NUDT1: variants seen among roughly 807,000 people sequenced by gnomAD.
NUDT1 encodes oxidized purine nucleoside triphosphate hydrolase.
A neutral mutation model predicts 11.3 loss-of-function variants in NUDT1; 16 were observed. The observed-to-expected ratio is 1.41, with a 90% CI of 0.96 to 2.15. The LOEUF (loss-of-function observed/expected upper bound fraction) is 2.15, where lower values mean the gene tolerates loss of function less well. Ranked by LOEUF, NUDT1 falls within the 30% of genes most tolerant of loss-of-function variation. The pLI is 0.00. For synonymous variants in NUDT1, 101 were observed against 84.4 expected (o/e 1.20, Z -1.08); for missense variants, 234 against 208.4 (o/e 1.12, Z -0.76).
chr7:2,250,510 G>GGT (rs1794954457), intron 3 of NUDT1, among the ~76,000 whole-genome samples: 1 of 151,608 alleles, frequency 6.6e-6, no homozygotes, highest in Non-Finnish European at 1.5e-5. Flanking sequence ...CAGGCTGGAG[G>GGT]GCAATGGCGC....
Position 2,250,956 on chromosome 7 carries a change from G to A in NUDT1, c.426G>A (p.Gln142=). 6.2e-7 allele frequency: 1 copy of A among 1,613,922 alleles called. No homozygotes were observed. Among genetic ancestry groups the A allele is most frequent in the Non-Finnish European group, 8.5e-7 (1 of 1,179,914 alleles). The change falls in exon 4 of 4, where the codon CAG becomes CAA. Residue 142 remains glutamine (Q), a synonymous_variant. Coordinates refer to ENST00000356714, the MANE Select transcript of NUDT1 (RefSeq NM_002452.4). ...ACGGGTACTTCAAGTTCCAGGGTCA[G>A]GACACCATCCTGGACTACACACTCC... ...KFHGYFKFQG[Q]DTILDYTLRE... is the part of the protein sequence containing the mutation.
chr7:2,246,015 T>C (rs1794753535), intron 2 of NUDT1, among the ~76,000 whole-genome samples: 1 of 152,124 alleles, frequency 6.6e-6, no homozygotes, highest in Non-Finnish European at 1.5e-5. Context: ...GGCTCTGTGC[T>C]GGGGGCCGCA....
At chr7:2,243,026 C>T (rs368095510) in intron 1 of NUDT1, 70 of 717,072 alleles carry the variant, frequency 9.8e-5, no homozygotes, top group South Asian at 1.3e-4. Context: ...ATGGGGGAGC[C>T]AGAAGGCAGT....
chr7:2,244,733 A>T lies in NUDT1; in HGVS notation c.152+7A>T, dbSNP rs373510380. ...TCGAGGATGGGGCTAGGAGGTAAGGATGGGGCAGGTCTGGCCATAGAACCG... is the reference window on the plus strand; with the variant it reads ...TCGAGGATGGGGCTAGGAGGTAAGGTTGGGGCAGGTCTGGCCATAGAACCG... On this transcript the variant is annotated splice_region_variant and intron_variant, in intron 2 of 3. Coordinates refer to ENST00000356714, the MANE Select transcript of NUDT1 (RefSeq NM_002452.4). The T allele has an allele frequency of 1.3e-4, 206 of 1,605,014 alleles. No homozygotes were observed. The highest frequency in any genetic ancestry group is 1.6e-4 in the Non-Finnish European group (193 of 1,176,714).
chr7:2,249,504 C>T (rs565878380), intron 2 of NUDT1: 3 of 376,886 alleles, frequency 8.0e-6, no homozygotes, highest in Admixed American at 7.7e-5. Flanking sequence ...CTGCCACGTG[C>T]GGGTCTCGAG....
Position 2,245,366 on chromosome 7 carries a change from G to A in NUDT1, c.152+640G>A, listed in dbSNP as rs141318673. Among the ~76,000 whole-genome samples the A allele has an allele frequency of 6.6e-3, 1,001 of 152,290 alleles. 11 individuals are homozygous for A. The highest frequency in any genetic ancestry group is 0.023 in the African/African-American group (948 of 41,548). ...CTGAGAAAGGTAGGCCAGCTTGCCT[G>A]GAGAGGAGAACTACAGAGTAAAGAG... is the stretch of plus-strand genomic sequence containing the variant. On this transcript the variant is annotated intron_variant, in intron 2 of 3. Transcript: ENST00000356714.
At chr7:2,248,769 C>T (rs998719765) in intron 2 of NUDT1, among the ~76,000 whole-genome samples, 1 of 152,142 alleles carries the variant, frequency 6.6e-6, no homozygotes, top group Non-Finnish European at 1.5e-5. Flanking sequence ...CCAAGCTGGT[C>T]TCAAACTCCG....
Position 2,251,013 on chromosome 7 carries a change from G to T in NUDT1, c.*12G>T. ...TGGACACGGTCTAGCGGGAGCCCAG[G>T]GCAGCCCCTGGGCAGGAGACGTGGC... is the stretch of plus-strand genomic sequence containing the variant. On this transcript the variant is annotated 3_prime_UTR_variant, in exon 4 of 4. Transcript: ENST00000356714. 6.2e-7 allele frequency: 1 copy of T among 1,613,522 alleles called. No individual in the cohort carries two copies. The highest frequency in any genetic ancestry group is 8.5e-7 in the Non-Finnish European group (1 of 1,179,842).
At chr7:2,243,574 A>G (rs1345984868) in intron 1 of NUDT1, among the ~76,000 whole-genome samples, 1 of 152,162 alleles carries the variant, frequency 6.6e-6, no homozygotes, top group African/African-American at 2.4e-5. Context: ...GGAGTTCGTG[A>G]CCAGCCTGGG....
intron 1 of NUDT1, among the ~76,000 whole-genome samples, chr7:2,244,238 G>A (rs891116354): frequency 6.6e-5 from 10 of 152,152 alleles, no homozygotes; most frequent in Non-Finnish European, 1.3e-4. Flanking sequence ...GGGGGTAGAC[G>A]CAGGAGCAAG....
Position 2,249,952 on chromosome 7 carries a change from T to G in NUDT1, c.248T>G (p.Val83Gly), listed in dbSNP as rs749373545. Residue 83 changes from valine (V) to glycine (G), a missense_variant, in exon 3 of 4, where the codon GTG (valine) becomes GGG (glycine). Val to Gly is a moderately radical substitution (Grantham distance 109). Coordinates refer to ENST00000356714, the MANE Select transcript of NUDT1 (RefSeq NM_002452.4). ...EFVGEPELMD[V>G]HVFCTDSIQG... ...GTGGGCGAGCCTGAGCTCATGGACG[T>G]GCATGTCTTCTGCACAGACAGCATC... The G allele has an allele frequency of 6.2e-7, 1 of 1,614,176 alleles. No homozygotes were observed. Among genetic ancestry groups the G allele is most frequent in the Non-Finnish European group, 8.5e-7 (1 of 1,180,020 alleles).
At chr7:2,247,653 G>A (rs1012791744) in intron 2 of NUDT1, among the ~76,000 whole-genome samples, 57 of 152,312 alleles carry the variant, frequency 3.7e-4, no homozygotes, top group African/African-American at 1.3e-3. Flanking sequence ...CTGGGGAACC[G>A]AGTGCCATGG....
At chr7:2,246,619 C>T (rs762857798) in intron 2 of NUDT1, among the ~76,000 whole-genome samples, 10 of 152,184 alleles carry the variant, frequency 6.6e-5, no homozygotes, top group Non-Finnish European at 1.3e-4. Context: ...TTCTTCTGAA[C>T]TTTGTCACGG....
intron 1 of NUDT1, among the ~76,000 whole-genome samples, chr7:2,243,363 A>G (rs1794633140): frequency 6.6e-6 from 1 of 152,142 alleles, no homozygotes; most frequent in African/African-American, 2.4e-5. Flanking sequence ...GCCCTCCTCT[A>G]CCCAGCACTT....
chr7:2,244,453 C>A, intron 1 of NUDT1, 110 bp from the exon 2 acceptor site: 3 of 578,612 alleles, frequency 5.2e-6, no homozygotes, highest in Non-Finnish European at 8.8e-6. Flanking sequence ...TTACAGCATA[C>A]CCCCCCGCCC....
intron 2 of NUDT1, 129 bp from the exon 3 acceptor site, chr7:2,249,728 C>T: frequency 6.2e-6 from 7 of 1,136,410 alleles, no homozygotes; most frequent in Non-Finnish European, 8.9e-6. Flanking sequence ...GGGACATCCT[C>T]CTGGGTCTCC....
At position 2,244,598 on chromosome 7, in the gene NUDT1, C is replaced by G. The variant is rs774036258; in HGVS notation, c.24C>G (p.Thr8=). The change falls in exon 2 of 4, where the codon ACC becomes ACG. Residue 8 remains threonine, a synonymous_variant. Coordinates refer to ENST00000356714, the MANE Select transcript of NUDT1 (RefSeq NM_002452.4). ...CCATGGGCGCCTCCAGGCTCTATAC[C>G]CTGGTGCTGGTCCTGCAGCCTCAGC... The part of the protein sequence containing the change: MGASRLY[T]LVLVLQPQRV... 3 of 1,610,198 alleles carry G rather than the reference C, an allele frequency of 1.9e-6. No homozygotes were observed. The highest frequency in any genetic ancestry group is 1.7e-5 in the Admixed American group (1 of 59,724).
At chr7:2,247,042 G>A (rs1024706968) in intron 2 of NUDT1, among the ~76,000 whole-genome samples, 19 of 152,176 alleles carry the variant, frequency 1.2e-4, no homozygotes, top group Admixed American at 7.9e-4. Context: ...CGGGAACCCA[G>A]CAGCAAACAG....
In NUDT1 at chr7:2,242,273, C is replaced by T; in HGVS notation, c.-13+17C>T. On this transcript the variant is annotated intron_variant, in intron 1 of 3. Coordinates refer to ENST00000356714, the MANE Select transcript of NUDT1 (RefSeq NM_002452.4). ...GCGGTGCAGGTACGAAAAGCGCGCG[C>T]GGGGATTCCAGGAGTCGTGGTGACC... 2 of 1,208,794 alleles carry T rather than the reference C, an allele frequency of 1.7e-6. No homozygotes were observed. Among genetic ancestry groups the T allele is most frequent in the South Asian group, 3.0e-5 (2 of 66,926 alleles). The allele number at this position is 1,208,794 out of a possible 1,614,324, so 74.9% of individuals were successfully genotyped here. A position where few individuals can be genotyped will look rare whatever the true frequency, so the allele number is the denominator to read the frequency against.
Sources: allele counts gnomAD v4.1 joint callset (sites outside exome capture counted in the v4.1 genomes callset), GRCh38; gene constraint gnomAD v4.1.1; transcripts MANE v1.5; gene names NCBI Gene and HGNC (gene_info 2026-07-23, HGNC 2026-07-21).